WDFY3: variants seen among roughly 807,000 people sequenced by gnomAD.
WDFY3 encodes the protein WD repeat and FYVE domain containing 3.
In WDFY3, 66 loss-of-function variants were observed where a neutral mutation model predicts 409.6. The observed-to-expected ratio is 0.16, with a 90% confidence interval of 0.13 to 0.20. WDFY3 has a LOEUF of 0.20. Among genes scored for constraint, WDFY3 ranks in the 10% least tolerant of loss-of-function variants. The pLI is 1.00. For missense variants in WDFY3, 3,031 were observed against 4,298.1 expected (o/e 0.71, Z 8.24); for synonymous variants, 1,521 against 1,537.1 (o/e 0.99, Z 0.25).
At position 84,766,003 on chromosome 4, in the gene WDFY3, T is replaced by C. The variant is rs745439465; in HGVS notation, c.4995A>G (p.Thr1665=). The C allele has an allele frequency of 4.3e-6, 7 of 1,613,998 alleles. No individual in the cohort carries two copies. Among genetic ancestry groups the C allele is most frequent in the Non-Finnish European group, 5.9e-6 (7 of 1,179,940 alleles). The change falls in exon 32 of 68, where the codon ACA becomes ACG. Residue 1665 remains threonine (T), a synonymous_variant. Coordinates refer to ENST00000295888, the MANE Select transcript of WDFY3 (RefSeq NM_014991.6). ...ACATCATGATCCAGTCAAAACCCAG[T>C]GTCTTCACCAGTTCTTCACAAGCTC... The part of the protein sequence containing the change: ...NLQACEELVK[T]LGFDWIMMFM...
intron 63 of WDFY3, 67 bp from the exon 64 acceptor site, chr4:84,682,537 C>G (rs1247561980): frequency 1.8e-5 from 22 of 1,219,862 alleles, no homozygotes; most frequent in Non-Finnish European, 2.6e-5. Flanking sequence ...TTACATTACT[C>G]AATGAAGAGA....
intron 17 of WDFY3, 33 bp downstream of exon 17, chr4:84,801,617 T>C (rs773848348): frequency 3.8e-6 from 6 of 1,571,122 alleles, no homozygotes; most frequent in Admixed American, 3.5e-5. Flanking sequence ...ACATTACTAA[T>C]TGTGGACTAT....
At chr4:84,716,811 T>TA in intron 49 of WDFY3, 85 bp downstream of exon 49, 1 of 1,168,464 alleles carries the variant, frequency 8.6e-7, no homozygotes, top group Non-Finnish European at 1.1e-6. Context: ...AAAATAAAAA[T>TA]AAAAAATAAA....
chr4:84,794,945 C>A lies in WDFY3; in HGVS notation c.3202G>T (p.Ala1068Ser), dbSNP rs528742734. The change falls in exon 20 of 68, where the codon GCT becomes TCT. Residue 1068 changes from alanine to serine, a missense_variant. Coordinates refer to ENST00000295888, the MANE Select transcript of WDFY3 (RefSeq NM_014991.6). The part of the protein sequence containing the change: ...LFLPSLAPHN[A>S]PTNNTVTTGL... ...GTTGTGACGGTATTATTTGTAGGAG[C>A]ATTATGAGGGGCCAAACTGGGCAAA... 4 of 1,572,828 alleles carry A rather than the reference C, an allele frequency of 2.5e-6. No individual in the cohort carries two copies. In the South Asian group the frequency reaches 4.9e-5, roughly 19 times the overall value.
At chr4:84,835,683 C>T (rs1756468905) in intron 7 of WDFY3, among the ~76,000 whole-genome samples, 1 of 152,194 alleles carries the variant, frequency 6.6e-6, no homozygotes, top group African/African-American at 2.4e-5. Context: ...CTCTACCAAA[C>T]AGAGTCATCC....
intron 2 of WDFY3, among the ~76,000 whole-genome samples, chr4:84,931,441 C>A (rs1770754637): frequency 6.6e-6 from 1 of 152,104 alleles, no homozygotes; most frequent in East Asian, 1.9e-4. Context: ...GAGGCAGTGG[C>A]AAGCAGGCTT....
intron 58 of WDFY3, among the ~76,000 whole-genome samples, chr4:84,694,198 G>C (rs987529782): frequency 6.6e-6 from 1 of 152,114 alleles, no homozygotes; most frequent in Non-Finnish European, 1.5e-5. Context: ...ATAAGATCAG[G>C]CTTCTATAAA....
chr4:84,874,459 G>A (rs1407586811), intron 3 of WDFY3, among the ~76,000 whole-genome samples: 1 of 151,740 alleles, frequency 6.6e-6, no homozygotes, highest in Non-Finnish European at 1.5e-5. Context: ...CCACTTTTCT[G>A]ATTTAAAACC....
At chr4:84,874,701 A>C (rs972640741) in intron 3 of WDFY3, among the ~76,000 whole-genome samples, 2 of 152,110 alleles carry the variant, frequency 1.3e-5, no homozygotes, top group East Asian at 3.9e-4. Context: ...TTCTCAGAGA[A>C]GTCTTCCCCA....
At chr4:84,757,333 C>T (rs192357104) in intron 32 of WDFY3, among the ~76,000 whole-genome samples, 172 bp from the exon 33 acceptor site, 2 of 152,162 alleles carry the variant, frequency 1.3e-5, no homozygotes, top group Non-Finnish European at 2.9e-5. Context: ...AAAAGTTTTA[C>T]TTTACAATTT....
At chr4:84,863,146 C>T (rs923380602) in intron 3 of WDFY3, among the ~76,000 whole-genome samples, 75 of 152,166 alleles carry the variant, frequency 4.9e-4, no homozygotes, top group Admixed American at 4.6e-3. Context: ...AGATTATTTC[C>T]ATATCTTGGC....
intron 3 of WDFY3, among the ~76,000 whole-genome samples, chr4:84,862,773 G>A (rs1001472803): frequency 1.1e-4 from 17 of 152,084 alleles, no homozygotes; most frequent in Admixed American, 8.5e-4. Flanking sequence ...GGATCACGAG[G>A]TCAGGGGATC....
chr4:84,939,627 T>C (rs1437149122), intron 1 of WDFY3, among the ~76,000 whole-genome samples: 1 of 152,174 alleles, frequency 6.6e-6, no homozygotes, highest in Non-Finnish European at 1.5e-5. Flanking sequence ...CTATTTCTAA[T>C]GGTTCATAAT....
intron 32 of WDFY3, among the ~76,000 whole-genome samples, chr4:84,759,434 G>C (rs1742098683): frequency 6.6e-6 from 1 of 152,070 alleles, no homozygotes; most frequent in Non-Finnish European, 1.5e-5. Context: ...TCCTACCCAT[G>C]AGCATGGAAT....
At chr4:84,855,024 A>G (rs1053060189) in intron 4 of WDFY3, among the ~76,000 whole-genome samples, 2 of 152,214 alleles carry the variant, frequency 1.3e-5, no homozygotes, top group Non-Finnish European at 2.9e-5. Flanking sequence ...TGTGAAATTC[A>G]TAACAGATTA....
chr4:84,951,070 C>T (rs927249306), intron 1 of WDFY3, among the ~76,000 whole-genome samples: 1 of 152,210 alleles, frequency 6.6e-6, no homozygotes. Context: ...TTCATGTACT[C>T]TTTCCCTCTT....
intron 13 of WDFY3, among the ~76,000 whole-genome samples, chr4:84,810,928 A>G (rs1177015167): frequency 3.4e-4 from 6 of 17,676 alleles, no homozygotes; most frequent in African/African-American, 3.6e-4. Context: ...GCTTTAAAAA[A>G]GAAAACAAGT....
At chr4:84,916,775 T>A (rs1768547185) in intron 2 of WDFY3, among the ~76,000 whole-genome samples, 1 of 152,206 alleles carries the variant, frequency 6.6e-6, no homozygotes, top group Non-Finnish European at 1.5e-5. Context: ...ATGAAAGTAA[T>A]ATAATTTCAG....
intron 48 of WDFY3, among the ~76,000 whole-genome samples, chr4:84,718,048 A>C (rs1734237324): frequency 8.8e-6 from 1 of 114,214 alleles, no homozygotes; most frequent in African/African-American, 3.8e-5. Flanking sequence ...ACAGAGTGAG[A>C]CACTGTCTCA....
Sources: gnomAD v4.1 joint callset for allele counts (sites outside exome capture counted in the v4.1 genomes callset) on GRCh38, gnomAD v4.1.1 for gene constraint, MANE v1.5 for transcripts, NCBI Gene and HGNC (gene_info 2026-07-23, HGNC 2026-07-21) for gene names.